The following ANKRD44 variants were observed in gnomAD, a reference collection of about 807,000 sequenced individuals.
ANKRD44 encodes serine/threonine-protein phosphatase 6 regulatory ankyrin repeat subunit B.
A neutral mutation model predicts 116.0 loss-of-function variants in ANKRD44; 35 were observed. The observed-to-expected ratio is 0.30, with a 90% CI of 0.23 to 0.40. ANKRD44 has a LOEUF of 0.40. Ranked by LOEUF, ANKRD44 falls within the 10% of genes least tolerant of loss-of-function variation. ANKRD44 has a pLI of 1.00. For synonymous variants in ANKRD44, 435 were observed against 461.8 expected, an observed-to-expected ratio of 0.94 and a Z score of 0.74; for missense variants, 1,014 against 1,242.6, an observed-to-expected ratio of 0.82 and a Z score of 2.77.
Position 197,086,735 on chromosome 2 carries a change from T to C in ANKRD44, c.1261A>G (p.Ile421Val), listed in dbSNP as rs761634548. 4.3e-6 allele frequency: 7 copies of C among 1,613,770 alleles called. No homozygotes were observed. The highest frequency in any genetic ancestry group is 1.3e-5 in the African/African-American group (1 of 74,922). The change falls in exon 13 of 28, where the codon ATA becomes GTA. Residue 421 changes from isoleucine (I) to valine (V), a missense_variant. Physicochemically the swap from Ile to Val is conservative, Grantham distance 29 (BLOSUM62 3). Transcript: ENST00000282272. ...GCTCCGCTGCTCTGCAAGAGTTTTA[T>C]ACATTCCACATTACTAGAAAGACAG... Reference protein sequence around the residue: ...AAAAGGNVECIKLLQSSGADF... With the variant: ...AAAAGGNVECVKLLQSSGADF...
intron 1 of ANKRD44, among the ~76,000 whole-genome samples, chr2:197,220,656 T>C (rs1355937371): frequency 6.6e-6 from 1 of 152,164 alleles, no homozygotes; most frequent in Non-Finnish European, 1.5e-5. Context: ...AAAAAATGGG[T>C]TATAAGCACA....
chr2:197,154,174 CTT>C (rs1034922629), intron 2 of ANKRD44, among the ~76,000 whole-genome samples: 3,836 of 106,374 alleles, frequency 0.036, 39 homozygotes, highest in African/African-American at 0.13. Context: ...TATCGGCTTT[CTT>C]TTTTTTTTTT....
At chr2:197,252,531 C>T (rs1281679169) in intron 1 of ANKRD44, among the ~76,000 whole-genome samples, 2 of 152,104 alleles carry the variant, frequency 1.3e-5, no homozygotes, top group Non-Finnish European at 2.9e-5. Context: ...CTCAGCCTCC[C>T]GAGTAGCTGG....
downstream of ANKRD44, among the ~76,000 whole-genome samples, chr2:196,986,391 GA>G (rs147020924): frequency 0.063 from 9,501 of 151,326 alleles, 397 homozygotes; most frequent in South Asian, 0.1. Flanking sequence ...CATCAGCCTG[GA>G]CAACAGAGCA....
At chr2:197,289,874 CTTTT>C (rs1220826428) in intron 1 of ANKRD44, among the ~76,000 whole-genome samples, 2 of 144,266 alleles carry the variant, frequency 1.4e-5, no homozygotes, top group Non-Finnish European at 1.5e-5. Flanking sequence ...CAATTTTTCT[CTTTT>C]TTTTTTTTTT....
intron 16 of ANKRD44, among the ~76,000 whole-genome samples, chr2:197,027,743 G>A (rs2076625177): frequency 6.8e-6 from 1 of 148,132 alleles, no homozygotes; most frequent in Non-Finnish European, 1.5e-5. Flanking sequence ...CTGGAGTGCA[G>A]TGATGTGATT....
chr2:197,106,274 T>C (rs138796413), intron 9 of ANKRD44, among the ~76,000 whole-genome samples: 1 of 151,796 alleles, frequency 6.6e-6, no homozygotes, highest in Non-Finnish European at 1.5e-5. Context: ...AAACCCCATC[T>C]CTACTAAAAA....
At chr2:197,026,047 C>CAAAAAAAAAAAAAAAAAA (rs111706910) in intron 16 of ANKRD44, among the ~76,000 whole-genome samples, 1 of 130,340 alleles carries the variant, frequency 7.7e-6, no homozygotes, top group Non-Finnish European at 1.6e-5. Context: ...TAAAAAGAAA[C>CAAAAAAAAAAAAAAAAAA]AAAAAAAAAA....
chr2:197,066,838 C>T (rs1419791041), intron 16 of ANKRD44, among the ~76,000 whole-genome samples: 2 of 152,042 alleles, frequency 1.3e-5, no homozygotes, highest in South Asian at 4.2e-4. Context: ...GAATCAATAT[C>T]GTGAAAATGG....
At chr2:197,262,941 A>G (rs6725211) in intron 1 of ANKRD44, among the ~76,000 whole-genome samples, 2,006 of 152,274 alleles carry the variant, frequency 0.013, 19 homozygotes, top group Non-Finnish European at 0.021. Flanking sequence ...TTAGCAATAC[A>G]TTCAAAATTT....
At chr2:197,015,735 TG>T in intron 17 of ANKRD44, 1 of 520,864 alleles carries the variant, frequency 1.9e-6, no homozygotes, top group Non-Finnish European at 3.5e-6. Flanking sequence ...CTGGTTCTAG[TG>T]GTAGAGGGGG....
At chr2:197,244,601 G>C (rs966863444) in intron 1 of ANKRD44, among the ~76,000 whole-genome samples, 2 of 152,194 alleles carry the variant, frequency 1.3e-5, no homozygotes, top group South Asian at 4.1e-4. Flanking sequence ...AGTTGAAACT[G>C]TTGCAGGGGA....
At chr2:197,004,692 G>A (rs55844710) in intron 21 of ANKRD44, among the ~76,000 whole-genome samples, 11,760 of 151,940 alleles carry the variant, frequency 0.077, 559 homozygotes, top group African/African-American at 0.14. Flanking sequence ...TATCCTTTTT[G>A]CAAAATAATA....
At position 197,285,438 on chromosome 2, in the gene ANKRD44, T is replaced by C. The variant is rs563397334; in HGVS notation, c.27+25140A>G. ...AACAGGTTCCAGGTGTGGGAAGCCA[T>C]GGGTTAAAAGGCAACTTGCCAAACT... is the stretch of plus-strand genomic sequence containing the variant. On this transcript the variant is annotated intron_variant, in intron 1 of 27. Coordinates refer to ENST00000282272, the MANE Select transcript of ANKRD44 (RefSeq NM_001195144.2). Among the ~76,000 whole-genome samples the C allele has an allele frequency of 3.2e-4, 49 of 152,254 alleles. 1 individual carries two copies. The highest frequency in any genetic ancestry group is 1.4e-3 in the South Asian group (7 of 4,828).
chr2:197,053,038 G>A (rs1422118237), intron 16 of ANKRD44, among the ~76,000 whole-genome samples: 2 of 152,112 alleles, frequency 1.3e-5, no homozygotes, highest in Non-Finnish European at 2.9e-5. Context: ...AGGCATAGTG[G>A]TGCGTGCCTG....
intron 1 of ANKRD44, among the ~76,000 whole-genome samples, chr2:197,227,817 A>C (rs1043606737): frequency 6.6e-6 from 1 of 152,204 alleles, no homozygotes; most frequent in Non-Finnish European, 1.5e-5. Flanking sequence ...ATAATACCTA[A>C]CCTGACTGCC....
intron 21 of ANKRD44, among the ~76,000 whole-genome samples, chr2:196,969,871 A>T (rs1264287703): frequency 6.6e-6 from 1 of 152,214 alleles, no homozygotes; most frequent in Non-Finnish European, 1.5e-5. Flanking sequence ...CTCCAATAAG[A>T]ACCATCAAAA....
intron 3 of ANKRD44, among the ~76,000 whole-genome samples, chr2:197,142,779 T>C (rs1056407124): frequency 6.6e-6 from 1 of 152,134 alleles, no homozygotes. Flanking sequence ...TAATTTGCAT[T>C]GAGAGTAAGA....
intron 16 of ANKRD44, among the ~76,000 whole-genome samples, chr2:197,065,100 T>C (rs926894186): frequency 6.6e-6 from 1 of 152,188 alleles, no homozygotes; most frequent in Non-Finnish European, 1.5e-5. Context: ...TCCATCAAAC[T>C]GTCTCTCAGA....
Sources: allele counts gnomAD v4.1 joint callset (sites outside exome capture counted in the v4.1 genomes callset), GRCh38; gene constraint gnomAD v4.1.1; transcripts MANE v1.5; gene names NCBI Gene and HGNC (gene_info 2026-07-23, HGNC 2026-07-21).